Variants in ADAP1 observed in about 807,000 individuals in gnomAD.
The protein encoded by ADAP1 is arf-GAP with dual PH domain-containing protein 1.
In ADAP1, 31 loss-of-function variants were observed where a neutral mutation model predicts 54.9. The observed-to-expected ratio is 0.56, with a 90% confidence interval of 0.42 to 0.76. The LOEUF is 0.76. Ranked by LOEUF, ADAP1 falls within the 30% of genes least tolerant of loss-of-function variation. The pLI is 0.00. For synonymous variants in ADAP1, 313 were observed against 202.6 expected (o/e 1.55, Z -4.63); for missense variants, 535 against 512.4 (o/e 1.04, Z -0.42).
At chr7:950,535 G>T in intron 1 of ADAP1, among the ~76,000 whole-genome samples, 1 of 150,590 alleles carries the variant, frequency 6.6e-6, no homozygotes, top group Non-Finnish European at 1.5e-5. Context: ...ACTTCTACAA[G>T]GTCCCTGGAG....
chr7:929,327 C>G (rs540820298), intron 2 of ADAP1, among the ~76,000 whole-genome samples: 2 of 151,186 alleles, frequency 1.3e-5, no homozygotes, highest in Admixed American at 1.3e-4. Context: ...AATTCTGACA[C>G]ACGCTACAAC....
intron 6 of ADAP1, chr7:901,370 C>T (rs1255378746): frequency 4.6e-6 from 1 of 218,518 alleles, no homozygotes; most frequent in Non-Finnish European, 9.3e-6. Context: ...CTGGTGACCT[C>T]TGGAAAGGTG....
intron 3 of ADAP1, among the ~76,000 whole-genome samples, chr7:924,209 C>T (rs1335940022): frequency 2.8e-5 from 3 of 108,562 alleles, no homozygotes; most frequent in Non-Finnish European, 5.6e-5. Context: ...CTGCACCCCC[C>T]GCCCTCCAGG....
At chr7:955,001 C>T (rs1562940890), upstream of ADAP1, among the ~76,000 whole-genome samples, 2 of 152,192 alleles carry the variant, frequency 1.3e-5, no homozygotes, top group Admixed American at 6.5e-5. Context: ...AGACCATGGG[C>T]ATGGGGGTGC....
intron 4 of ADAP1, among the ~76,000 whole-genome samples, chr7:909,791 A>T (rs543103474): frequency 1.3e-5 from 2 of 151,428 alleles, no homozygotes; most frequent in Non-Finnish European, 3.0e-5. Context: ...TATTTATCAA[A>T]CAGCTACCGC....
rs184120213 is a variant in ADAP1, at chr7:943,965, G to T, written c.83-8460C>A. 4.5e-3 allele frequency among the ~76,000 whole-genome samples: 690 copies of T among 152,094 alleles called. 5 individuals are homozygous for T. The highest frequency in any genetic ancestry group is 0.02 in the Middle Eastern group (6 of 294). On this transcript the variant is annotated intron_variant, in intron 1 of 10. Transcript: ENST00000265846. ...GGGTCTTGCTCTGTTGCCCAGGCTT[G>T]AGTGCAGTGAGGCAATCATGGCTCA...
chr7:935,609 G>T, intron 1 of ADAP1, 104 bp from the exon 2 acceptor site: 1 of 1,419,640 alleles, frequency 7.0e-7, no homozygotes, highest in Non-Finnish European at 9.5e-7. Flanking sequence ...AGTGGGGGGG[G>T]CTTCAGCGGA....
chr7:901,849 A>G (rs928484864), intron 6 of ADAP1, among the ~76,000 whole-genome samples: 20 of 128,322 alleles, frequency 1.6e-4, no homozygotes, highest in South Asian at 2.8e-4. Context: ...CGTCCACACC[A>G]CACTGCCCCA....
At chr7:941,508 T>A (rs546703228) in intron 1 of ADAP1, among the ~76,000 whole-genome samples, 335 of 152,320 alleles carry the variant, frequency 2.2e-3, no homozygotes, top group Non-Finnish European at 3.6e-3. Context: ...TTCTATACAC[T>A]AGCAACAAGC....
At chr7:900,706 C>T in intron 6 of ADAP1, 90 bp from the exon 7 acceptor site, 1 of 880,004 alleles carries the variant, frequency 1.1e-6, no homozygotes, top group Non-Finnish European at 1.6e-6. Flanking sequence ...AGAGGGGCCG[C>T]TTCCCCCAGA....
At chr7:931,757 G>C (rs1485380138) in intron 2 of ADAP1, among the ~76,000 whole-genome samples, 3 of 136,522 alleles carry the variant, frequency 2.2e-5, no homozygotes, top group Non-Finnish European at 4.7e-5. Flanking sequence ...TATTATCAAG[G>C]AATAGAAAGT....
chr7:941,639 A>G (rs1846941670), intron 1 of ADAP1, among the ~76,000 whole-genome samples: 1 of 152,242 alleles, frequency 6.6e-6, no homozygotes, highest in Non-Finnish European at 1.5e-5. Context: ...GCTCAGAGAA[A>G]TTAAAGAAGA....
Position 900,633 on chromosome 7 carries a change from G to GCAAAGGCGGT in ADAP1, c.649-18_649-17insACCGCCTTTG. 1 of 1,596,340 alleles carries GCAAAGGCGGT rather than the reference G, an allele frequency of 6.3e-7. No individual in the cohort carries two copies. Among genetic ancestry groups the GCAAAGGCGGT allele is most frequent in the Non-Finnish European group, 8.5e-7 (1 of 1,171,674 alleles). On this transcript the variant is annotated splice_polypyrimidine_tract_variant and intron_variant, in intron 6 of 10. Coordinates refer to ENST00000265846, the MANE Select transcript of ADAP1 (RefSeq NM_006869.4). ...CACAATCTCCTAGGGGCAAAGGTGG[G>GCAAAGGCGGT]CACAGGCTTGGGCTGAGGAGGCTGC...
chr7:928,810 A>G (rs1583171675), intron 2 of ADAP1, among the ~76,000 whole-genome samples: 1 of 152,228 alleles, frequency 6.6e-6, no homozygotes, highest in East Asian at 1.9e-4. Context: ...AACGGTAAAC[A>G]CAGAGTTACC....
intron 3 of ADAP1, among the ~76,000 whole-genome samples, chr7:925,395 G>A (rs1393900215): frequency 1.3e-5 from 2 of 148,660 alleles, no homozygotes; most frequent in Non-Finnish European, 3.0e-5. Context: ...GCCCAGGATG[G>A]TGTGTAGGGT....
rs1846395048 is a variant in ADAP1 at position 926,537 on chromosome 7, G to C, written c.305+16C>G. On this transcript the variant is annotated intron_variant, in intron 3 of 10. Coordinates refer to ENST00000265846, the MANE Select transcript of ADAP1 (RefSeq NM_006869.4). This position sits in a 1 kb window ranked among gnomAD's most constrained non-coding sequence, Gnocchi z 4.6. ...AGCACTTGACCATGGCCCTGACAAG[G>C]CCCCTTTGTACTCACTGGCAGTCGG... The C allele has an allele frequency of 1.3e-6, 2 of 1,518,648 alleles. No homozygotes were observed. The highest frequency in any genetic ancestry group is 1.4e-5 in the African/African-American group (1 of 69,894). 94.1% of individuals were successfully genotyped at this position (1,518,648 alleles called of 1,614,324 possible).
At chr7:949,944 G>C (rs1847228088) in intron 1 of ADAP1, among the ~76,000 whole-genome samples, 1 of 152,226 alleles carries the variant, frequency 6.6e-6, no homozygotes, top group African/African-American at 2.4e-5. Context: ...CCAGTCCTGG[G>C]TACAGACCCA....
rs184513951 is a variant in ADAP1, at chr7:920,635, G to A, written c.306-585C>T. On this transcript the variant is annotated intron_variant, in intron 3 of 10. Transcript: ENST00000265846. The surrounding 1 kb of genome is among the most constrained non-coding windows in gnomAD (Gnocchi z 4.5). ...GTCCGGGGCATCAGGAGAAACTACC[G>A]GCAAATACCCAAGAATCCAGGAAGA... 1.6e-3 allele frequency: 1,102 copies of A among 676,276 alleles called. 1 individual carries two copies. The highest frequency in any genetic ancestry group is 2.1e-3 in the Non-Finnish European group (878 of 411,422). 41.9% of individuals were successfully genotyped at this position (676,276 alleles called of 1,614,324 possible).
intron 4 of ADAP1, among the ~76,000 whole-genome samples, chr7:915,606 C>T (rs1166903588): frequency 5.3e-5 from 8 of 152,216 alleles, no homozygotes; most frequent in Non-Finnish European, 1.0e-4. Context: ...GAGGGTCACA[C>T]GGGAGGCTTT....
Sources: allele counts gnomAD v4.1 joint callset (sites outside exome capture counted in the v4.1 genomes callset), GRCh38; gene constraint gnomAD v4.1.1; non-coding constraint Gnocchi (gnomAD v3.1); transcripts MANE v1.5; gene names NCBI Gene and HGNC (gene_info 2026-07-23, HGNC 2026-07-21).